The following FRMD3 variants were observed in gnomAD, a reference collection of about 807,000 sequenced individuals.
FRMD3 encodes the protein FERM domain-containing protein 3.
FRMD3 carries 33 observed loss-of-function variants against 70.2 expected under a neutral mutation model. The observed-to-expected ratio is 0.47, with a 90% CI of 0.36 to 0.63. FRMD3 has a LOEUF of 0.63. Ranked by LOEUF, FRMD3 falls within the 20% of genes least tolerant of loss-of-function variation. The pLI is 0.00. For synonymous variants in FRMD3, 279 were observed against 255.9 expected (o/e 1.09, Z -0.86); for missense variants, 632 against 711.4 (o/e 0.89, Z 1.27).
At chr9:83,460,771 T>C (rs918443471) in intron 1 of FRMD3, among the ~76,000 whole-genome samples, 2 of 152,186 alleles carry the variant, frequency 1.3e-5, no homozygotes, top group African/African-American at 4.8e-5. Context: ...ATGGGTAACT[T>C]TATTAGATTT....
intron 1 of FRMD3, among the ~76,000 whole-genome samples, chr9:83,486,064 A>G (rs1445260963): frequency 6.6e-6 from 1 of 152,102 alleles, no homozygotes; most frequent in Non-Finnish European, 1.5e-5. Flanking sequence ...GTAATATAAT[A>G]TATTAATGAA....
rs545203712 is a variant in FRMD3, at chr9:83,380,869, T to A, written c.253-7914A>T. On this transcript the variant is annotated intron_variant, in intron 2 of 13. Transcript: ENST00000304195. ...GGGCTTTTAAAAAGAATGAATGCAC[T>A]TCCCCAGACAAGAGATTGTTTTTCA... Among the ~76,000 whole-genome samples, 6 of 152,238 alleles carry A rather than the reference T, an allele frequency of 3.9e-5. No individual in the cohort carries two copies. In the East Asian group the frequency reaches 5.8e-4, roughly 15 times the overall value.
At chr9:83,260,120 T>G (rs953596909) in intron 13 of FRMD3, among the ~76,000 whole-genome samples, 1 of 152,184 alleles carries the variant, frequency 6.6e-6, no homozygotes, top group Admixed American at 6.5e-5. Context: ...TCTTAGACTA[T>G]GTCTGTCCAT....
chr9:83,506,677 C>A (rs953471254), intron 1 of FRMD3, among the ~76,000 whole-genome samples: 3 of 152,190 alleles, frequency 2.0e-5, no homozygotes, highest in African/African-American at 7.2e-5. Context: ...TTTATAAACA[C>A]TGTACACTTA....
intron 13 of FRMD3, among the ~76,000 whole-genome samples, chr9:83,264,122 C>A (rs929925905): frequency 6.6e-6 from 1 of 152,040 alleles, no homozygotes; most frequent in African/African-American, 2.4e-5. Context: ...CACATCCAGA[C>A]AATGGAATAT....
intron 1 of FRMD3, among the ~76,000 whole-genome samples, chr9:83,420,786 C>T (rs2131358073): frequency 6.6e-6 from 1 of 152,170 alleles, no homozygotes; most frequent in East Asian, 1.9e-4. Context: ...CTCCTTCACT[C>T]TCTCTCACAC....
intron 1 of FRMD3, among the ~76,000 whole-genome samples, chr9:83,535,366 C>T (rs1829869819): frequency 6.6e-6 from 1 of 152,146 alleles, no homozygotes; most frequent in Non-Finnish European, 1.5e-5. Context: ...ATCTGGAATG[C>T]TTACCTACTA....
chr9:83,514,603 C>T (rs929092415), intron 1 of FRMD3, among the ~76,000 whole-genome samples: 4 of 152,182 alleles, frequency 2.6e-5, no homozygotes, highest in Admixed American at 6.5e-5. Flanking sequence ...GCACAGTGCT[C>T]GAGCTCTGCT....
At chr9:83,474,989 T>G (rs1409867239) in intron 1 of FRMD3, among the ~76,000 whole-genome samples, 2 of 152,082 alleles carry the variant, frequency 1.3e-5, no homozygotes, top group African/African-American at 4.8e-5. Context: ...GGTAGGGAGA[T>G]TGAGTTGAGA....
At chr9:83,372,313 ATGT>A (rs573990993) in intron 3 of FRMD3, among the ~76,000 whole-genome samples, 1 of 151,026 alleles carries the variant, frequency 6.6e-6, no homozygotes, top group Non-Finnish European at 1.5e-5. Context: ...TGCTAGAGAG[ATGT>A]TGTTATCCAA....
At chr9:83,543,262 G>A (rs1336533204), upstream of FRMD3, among the ~76,000 whole-genome samples, 4 of 151,700 alleles carry the variant, frequency 2.6e-5, no homozygotes, top group Non-Finnish European at 2.9e-5. Context: ...ACAGAAAAAA[G>A]GAGGAGGCAA....
chr9:83,291,318 C>G (rs1323778), intron 12 of FRMD3, among the ~76,000 whole-genome samples: 28,417 of 152,038 alleles, frequency 0.19, 2,900 homozygotes, highest in African/African-American at 0.27. Context: ...CTGAGACTAG[C>G]AACAGATGGC....
rs113081226 is a variant in FRMD3 at position 83,461,763 on chromosome 9, A to G, written c.148-72055T>C. 4.2e-3 allele frequency among the ~76,000 whole-genome samples: 527 copies of G among 126,646 alleles called. 3 individuals are homozygous for G. The highest frequency in any genetic ancestry group is 0.015 in the African/African-American group (500 of 32,272). The allele number at this position is 126,646 out of a possible 152,430, so 83.1% of individuals were successfully genotyped here. ...GAGCGCAGTGGCACGATCTCAGCTC[A>G]TTGCAACCTCTGCTTCAGGGTTCAA... On this transcript the variant is annotated intron_variant, in intron 1 of 13. Transcript: ENST00000304195.
At chr9:83,503,083 A>G (rs1336034108) in intron 1 of FRMD3, among the ~76,000 whole-genome samples, 1 of 152,172 alleles carries the variant, frequency 6.6e-6, no homozygotes, top group Non-Finnish European at 1.5e-5. Flanking sequence ...GAAGGGCAGA[A>G]TTTCTAAAAT....
At chr9:83,421,428 C>A (rs1245420643) in intron 1 of FRMD3, among the ~76,000 whole-genome samples, 1 of 152,146 alleles carries the variant, frequency 6.6e-6, no homozygotes, top group Non-Finnish European at 1.5e-5. Flanking sequence ...GCCTTGCAAA[C>A]AGGCATTATT....
chr9:83,400,450 A>G (rs1825922039), intron 1 of FRMD3, among the ~76,000 whole-genome samples: 1 of 152,198 alleles, frequency 6.6e-6, no homozygotes, highest in Non-Finnish European at 1.5e-5. Flanking sequence ...AAAACTCAAT[A>G]TTGTCAAGAT....
chr9:83,283,038 A>T (rs938654722), intron 13 of FRMD3, among the ~76,000 whole-genome samples: 11 of 152,238 alleles, frequency 7.2e-5, no homozygotes, highest in South Asian at 2.1e-4. Context: ...AACAAAAAAA[A>T]GAAAAAGAAA....
intron 1 of FRMD3, among the ~76,000 whole-genome samples, chr9:83,523,193 T>C (rs199621441): frequency 2.1e-4 from 27 of 130,206 alleles, no homozygotes; most frequent in East Asian, 5.4e-4. Flanking sequence ...GATGGATGGA[T>C]GGACGGACGG....
intron 1 of FRMD3, among the ~76,000 whole-genome samples, chr9:83,426,530 G>A (rs546667434): frequency 1.6e-4 from 24 of 152,328 alleles, no homozygotes; most frequent in Admixed American, 6.5e-5. Flanking sequence ...CACAAAGTGT[G>A]GTTTCCAGAC....
Sources: gnomAD v4.1 joint callset for allele counts (sites outside exome capture counted in the v4.1 genomes callset) on GRCh38, gnomAD v4.1.1 for gene constraint, MANE v1.5 for transcripts, NCBI Gene and HGNC (gene_info 2026-07-23, HGNC 2026-07-21) for gene names.